The following COL23A1 variants were observed in gnomAD, a reference collection of about 807,000 sequenced individuals.
COL23A1 encodes the protein collagen type XXIII alpha 1 chain.
A neutral mutation model predicts 99.3 loss-of-function variants in COL23A1; 97 were observed. That is an observed-to-expected ratio of 0.98 (90% CI 0.83 to 1.16). COL23A1 has a LOEUF of 1.16. COL23A1 is among the 50% of genes most tolerant of loss of function. The pLI is 0.00. For missense variants in COL23A1, 762 were observed against 757.4 expected (o/e 1.01, Z -0.07); for synonymous variants, 320 against 308.2 (o/e 1.04, Z -0.40).
At chr5:178,463,955 G>A (rs766804245) in intron 2 of COL23A1, among the ~76,000 whole-genome samples, 9 of 152,198 alleles carry the variant, frequency 5.9e-5, no homozygotes, top group Admixed American at 2.6e-4. Flanking sequence ...TGGGCCTCCC[G>A]GCCGGGCGTG....
chr5:178,448,961 C>A (rs534282348), intron 2 of COL23A1, among the ~76,000 whole-genome samples: 1 of 148,840 alleles, frequency 6.7e-6, no homozygotes, highest in African/African-American at 2.5e-5. Context: ...AGGTTCATTT[C>A]TTTTTTCTTT....
chr5:178,421,230 C>A, intron 2 of COL23A1, among the ~76,000 whole-genome samples: 1 of 152,032 alleles, frequency 6.6e-6, no homozygotes, highest in Non-Finnish European at 1.5e-5. Context: ...AATGAGTATG[C>A]GCAATAAGAA....
At chr5:178,392,021 T>C (rs755639791) in intron 2 of COL23A1, among the ~76,000 whole-genome samples, 4 of 152,048 alleles carry the variant, frequency 2.6e-5, no homozygotes, top group Admixed American at 6.5e-5. Context: ...ATGTCTGGAA[T>C]AGGGAAATCT....
chr5:178,482,358 A>G (rs1231254232), intron 2 of COL23A1, among the ~76,000 whole-genome samples: 1 of 152,180 alleles, frequency 6.6e-6, no homozygotes, highest in Non-Finnish European at 1.5e-5. Flanking sequence ...GAAGCCAGAC[A>G]CAAAAGGACA....
intron 2 of COL23A1, among the ~76,000 whole-genome samples, chr5:178,392,587 A>G (rs1309068890): frequency 6.6e-6 from 1 of 152,184 alleles, no homozygotes; most frequent in African/African-American, 2.4e-5. Flanking sequence ...CTTCTTACTG[A>G]GACACGAGGC....
intron 2 of COL23A1, among the ~76,000 whole-genome samples, chr5:178,473,336 C>A (rs2127938111): frequency 6.6e-6 from 1 of 152,014 alleles, no homozygotes; most frequent in Non-Finnish European, 1.5e-5. Context: ...ACTCTGTCAC[C>A]CAGGCTGGAG....
intron 2 of COL23A1, among the ~76,000 whole-genome samples, chr5:178,358,288 GCGTA>G (rs1158369870): frequency 5.6e-5 from 8 of 143,878 alleles, no homozygotes; most frequent in South Asian, 2.2e-4. Flanking sequence ...GTATGCGTGT[GCGTA>G]TATGTATGTA....
chr5:178,565,331 G>C (rs1762789346), intron 1 of COL23A1, among the ~76,000 whole-genome samples: 2 of 152,182 alleles, frequency 1.3e-5, no homozygotes, highest in Admixed American at 6.5e-5. Flanking sequence ...TGTCTCCTCA[G>C]GGAGGCCCAG....
chr5:178,478,590 C>T (rs1757155877), intron 2 of COL23A1, among the ~76,000 whole-genome samples: 1 of 152,218 alleles, frequency 6.6e-6, no homozygotes, highest in Non-Finnish European at 1.5e-5. Flanking sequence ...AAATGGGTCC[C>T]AGCTGGGCGG....
At chr5:178,380,847 C>A (rs1385002038) in intron 2 of COL23A1, among the ~76,000 whole-genome samples, 1 of 152,190 alleles carries the variant, frequency 6.6e-6, no homozygotes, top group Non-Finnish European at 1.5e-5. Context: ...GCCAGGACAG[C>A]CTTCCAGGGC....
intron 5 of COL23A1, among the ~76,000 whole-genome samples, chr5:178,287,695 C>A (rs1757232674): frequency 1.3e-5 from 2 of 152,232 alleles, no homozygotes; most frequent in Non-Finnish European, 2.9e-5. Flanking sequence ...CTGCCAATCT[C>A]TTCTGCTGCT....
chr5:178,261,064 G>C (rs1416640853), intron 11 of COL23A1, among the ~76,000 whole-genome samples: 1 of 152,160 alleles, frequency 6.6e-6, no homozygotes, highest in Admixed American at 6.5e-5. Context: ...GGGGGATATG[G>C]AAATTCTGTA....
intron 27 of COL23A1, 30 bp from the exon 28 acceptor site, chr5:178,239,209 G>T (rs779180586): frequency 3.7e-6 from 6 of 1,613,680 alleles, no homozygotes; most frequent in Non-Finnish European, 4.2e-6. Flanking sequence ...CAGTGATGGG[G>T]ATGGGGCCTG....
Position 178,555,600 on chromosome 5 carries a change from T to C in COL23A1, c.361+5082A>G, listed in dbSNP as rs567046966. On this transcript the variant is annotated intron_variant, in intron 2 of 28. Transcript: ENST00000390654. ...AAAATTTCCTTTTTCGCTTTATTAG[T>C]GCAGGGTGATCAGAACACTAATTAA... Among the ~76,000 whole-genome samples the C allele has an allele frequency of 2.0e-5, 3 of 152,268 alleles. No individual in the cohort carries two copies. In the South Asian group the frequency reaches 6.2e-4, roughly 32 times the overall value.
chr5:178,380,742 C>T (rs184270822), intron 2 of COL23A1, among the ~76,000 whole-genome samples: 21 of 152,194 alleles, frequency 1.4e-4, no homozygotes, highest in African/African-American at 2.9e-4. Context: ...GGGCCAATGT[C>T]GGGACCAGCC....
At chr5:178,325,051 C>G (rs112050163) in intron 2 of COL23A1, among the ~76,000 whole-genome samples, 43 of 152,000 alleles carry the variant, frequency 2.8e-4, no homozygotes, top group African/African-American at 1.0e-3. Flanking sequence ...CAGCTGTGCA[C>G]TGCAGCCCCA....
At chr5:178,534,594 C>T (rs957753298) in intron 2 of COL23A1, among the ~76,000 whole-genome samples, 1 of 152,146 alleles carries the variant, frequency 6.6e-6, no homozygotes, top group African/African-American at 2.4e-5. Flanking sequence ...GCTTGACCAA[C>T]ATGGTGAAAT....
intron 2 of COL23A1, among the ~76,000 whole-genome samples, chr5:178,477,743 G>A: frequency 6.6e-6 from 1 of 152,208 alleles, no homozygotes; most frequent in East Asian, 1.9e-4. Context: ...GCTCTTCCCT[G>A]GAGAAGGTAG....
chr5:178,587,946 G>A (rs1764083683), intron 1 of COL23A1, among the ~76,000 whole-genome samples: 1 of 152,194 alleles, frequency 6.6e-6, no homozygotes, highest in African/African-American at 2.4e-5. Flanking sequence ...CATTCATACT[G>A]CACCATCTCT....
Sources: allele counts gnomAD v4.1 joint callset (sites outside exome capture counted in the v4.1 genomes callset), GRCh38; gene constraint gnomAD v4.1.1; transcripts MANE v1.5; gene names NCBI Gene and HGNC (gene_info 2026-07-23, HGNC 2026-07-21).